Variants in PCDH9 observed in about 807,000 individuals in gnomAD.
The protein encoded by PCDH9 is protocadherin-9.
In PCDH9, 24 loss-of-function variants were observed where a neutral mutation model predicts 70.6. The ratio of observed to expected loss-of-function variants is 0.34; its 90% CI spans 0.25 to 0.48. The LOEUF is 0.48. PCDH9 is among the 20% of genes least tolerant of loss of function. The pLI, the probability that PCDH9 is intolerant of heterozygous loss-of-function variation, is 0.99. For synonymous variants in PCDH9, 562 were observed against 558.5 expected (o/e 1.01, Z -0.09); for missense variants, 1,281 against 1,503.6 (o/e 0.85, Z 2.45).
chr13:67,041,807 GGC>G (rs2085119593), intron 2 of PCDH9, among the ~76,000 whole-genome samples: 1 of 143,724 alleles, frequency 7.0e-6, no homozygotes, highest in Non-Finnish European at 1.5e-5. Context: ...CTCCAGCCTG[GGC>G]CACAGAGTGA....
intron 3 of PCDH9, among the ~76,000 whole-genome samples, chr13:66,892,297 C>A (rs529623984): frequency 6.7e-6 from 1 of 149,604 alleles, no homozygotes; most frequent in Non-Finnish European, 1.5e-5. Flanking sequence ...TAAGTAGTTA[C>A]CTTTATCAAG....
chr13:67,002,940 T>C (rs2084275371), intron 2 of PCDH9, among the ~76,000 whole-genome samples: 1 of 152,058 alleles, frequency 6.6e-6, no homozygotes, highest in African/African-American at 2.4e-5. Flanking sequence ...ATCTATGTCT[T>C]GGGCCTTTCT....
intron 3 of PCDH9, among the ~76,000 whole-genome samples, chr13:66,879,725 A>C (rs1424752569): frequency 6.6e-6 from 1 of 152,194 alleles, no homozygotes; most frequent in African/African-American, 2.4e-5. Flanking sequence ...AGATGTAGAG[A>C]TATGAAAAAA....
rs181044736 is a variant in PCDH9, at chr13:66,510,610, G to A, written c.3340+120600C>T. ...CCACCTATGAGTGAGAACATGCGGT[G>A]TTTGGTTTTTTGTCCTTGCGATAGT... On this transcript the variant is annotated intron_variant, in intron 4 of 4. Transcript: ENST00000377865. Among the ~76,000 whole-genome samples the A allele has an allele frequency of 3.0e-4, 45 of 152,198 alleles. No individual in the cohort carries two copies. The East Asian group carries it at 7.4e-3, about 25-fold the overall frequency.
chr13:66,465,413 T>G (rs1049167774), intron 4 of PCDH9, among the ~76,000 whole-genome samples: 6 of 151,932 alleles, frequency 3.9e-5, no homozygotes, highest in South Asian at 4.1e-4. Flanking sequence ...AGTTGAGCTT[T>G]AGATTACAAC....
intron 2 of PCDH9, among the ~76,000 whole-genome samples, chr13:67,188,082 A>G (rs12862095): frequency 1.3e-5 from 2 of 152,178 alleles, no homozygotes; most frequent in Non-Finnish European, 2.9e-5. Context: ...TGAGAAATAT[A>G]CAGTAATAAA....
At chr13:66,960,992 A>G (rs2083336801) in intron 2 of PCDH9, among the ~76,000 whole-genome samples, 1 of 152,230 alleles carries the variant, frequency 6.6e-6, no homozygotes, top group Non-Finnish European at 1.5e-5. Flanking sequence ...ATCAATTTTA[A>G]TGAATAAATA....
At chr13:66,342,846 G>A (rs1010342154) in intron 4 of PCDH9, among the ~76,000 whole-genome samples, 17 of 150,590 alleles carry the variant, frequency 1.1e-4, no homozygotes, top group South Asian at 2.1e-4. Flanking sequence ...AGTTTTCACC[G>A]TGTTGCCCAG....
chr13:66,790,003 T>G (rs2080139419), intron 3 of PCDH9, among the ~76,000 whole-genome samples: 1 of 152,140 alleles, frequency 6.6e-6, no homozygotes, highest in African/African-American at 2.4e-5. Context: ...ATGCAATATC[T>G]GGGTTGCAGG....
intron 2 of PCDH9, among the ~76,000 whole-genome samples, chr13:67,017,842 CA>C (rs754825429): frequency 4.6e-5 from 7 of 151,970 alleles, no homozygotes; most frequent in Non-Finnish European, 7.4e-5. Flanking sequence ...TTACTGTACA[CA>C]GAGAAAAATT....
intron 2 of PCDH9, chr13:67,221,561 A>T (rs985108176): frequency 3.9e-5 from 6 of 152,098 alleles, no homozygotes; most frequent in African/African-American, 1.2e-4. Context: ...TTCCTTTAGA[A>T]AATTAAATGA....
chr13:66,366,206 T>C (rs192931832), intron 4 of PCDH9, among the ~76,000 whole-genome samples: 4 of 152,178 alleles, frequency 2.6e-5, no homozygotes, highest in Admixed American at 1.3e-4. Context: ...CATTAGTTTA[T>C]TTTTAAAAAT....
rs745351573 is a variant in PCDH9, at chr13:66,305,048, G to T, written c.3341-20C>A. ...GCCCATCTGCAGAAGACAAGAGAGA[G>T]AAAATAAGAAAAGGAAGTGGTTAAA... On this transcript the variant is annotated intron_variant, in intron 4 of 4. Coordinates refer to ENST00000377865, the MANE Select transcript of PCDH9 (RefSeq NM_203487.3). 1.0e-5 allele frequency: 16 copies of T among 1,554,438 alleles called. No individual in the cohort carries two copies. In the South Asian group the frequency reaches 1.8e-4, roughly 18 times the overall value.
At chr13:67,121,430 C>G (rs573596734) in intron 2 of PCDH9, among the ~76,000 whole-genome samples, 1 of 152,316 alleles carries the variant, frequency 6.6e-6, no homozygotes, top group East Asian at 1.9e-4. Flanking sequence ...AGAATTACAA[C>G]ATATTGCTGC....
At chr13:66,796,398 A>G (rs1460242224) in intron 3 of PCDH9, among the ~76,000 whole-genome samples, 1 of 152,174 alleles carries the variant, frequency 6.6e-6, no homozygotes. Context: ...GGTGTTACTT[A>G]TACCTAATTA....
chr13:66,811,625 T>G (rs561921240), intron 3 of PCDH9, among the ~76,000 whole-genome samples: 1 of 133,548 alleles, frequency 7.5e-6, no homozygotes, highest in South Asian at 2.7e-4. Context: ...CTAACCTGCC[T>G]TCCTGCCTGC....
In PCDH9 at chr13:67,051,382, A is replaced by ATTTTTTTT. The variant is rs567408801; in HGVS notation, c.3037-147785_3037-147778dup. On this transcript the variant is annotated intron_variant, in intron 2 of 4. Coordinates refer to ENST00000377865, the MANE Select transcript of PCDH9 (RefSeq NM_203487.3). ...CGAAATACCAGGAAAACAATACAAG[A>ATTTTTTTT]TTTTTTTTTTTTTTTTTTTTTTTTT... 4.8e-3 allele frequency among the ~76,000 whole-genome samples: 338 copies of ATTTTTTTT among 70,990 alleles called. 30 individuals carry two copies. The highest frequency in any genetic ancestry group is 0.016 in the African/African-American group (248 of 15,776). 46.6% of individuals were successfully genotyped at this position (70,990 alleles called of 152,430 possible). A position where few individuals can be genotyped will look rare whatever the true frequency, so the allele number is the denominator to read the frequency against.
chr13:66,944,817 C>CTCTGTG lies in PCDH9; in HGVS notation c.3037-41213_3037-41212insCACAGA, dbSNP rs779023332. On this transcript the variant is annotated intron_variant, in intron 2 of 4. Transcript: ENST00000377865. ...TTTAAGGCCCATCTTCTAATCGTCTCTGTGTGTGTGTGTGTGTGTGTGTGT... is the reference window on the plus strand; with the variant it reads ...TTTAAGGCCCATCTTCTAATCGTCTCTCTGTGTGTGTGTGTGTGTGTGTGTGTGTGT... Among the ~76,000 whole-genome samples, 11 of 135,450 alleles carry CTCTGTG rather than the reference C, an allele frequency of 8.1e-5. No homozygotes were observed. The South Asian group carries it at 9.8e-4, about 12-fold the overall frequency. 88.9% of individuals were successfully genotyped at this position (135,450 alleles called of 152,430 possible).
At chr13:66,944,529 T>C (rs1026562270) in intron 2 of PCDH9, among the ~76,000 whole-genome samples, 24 of 152,164 alleles carry the variant, frequency 1.6e-4, no homozygotes, top group African/African-American at 5.8e-4. Flanking sequence ...AGCTCTTACC[T>C]GAGCTAAGAA....
Sources: allele counts gnomAD v4.1 joint callset (sites outside exome capture counted in the v4.1 genomes callset), GRCh38; gene constraint gnomAD v4.1.1; transcripts MANE v1.5; gene names NCBI Gene and HGNC (gene_info 2026-07-23, HGNC 2026-07-21).